The following FAM171B variants were observed in gnomAD, a reference collection of about 807,000 sequenced individuals.
FAM171B encodes the protein family with sequence similarity 171 member B.
In FAM171B, 19 loss-of-function variants were observed where a neutral mutation model predicts 75.6. The ratio of observed to expected loss-of-function variants is 0.25; its 90% CI spans 0.18 to 0.37. The LOEUF is 0.37. Ranked by LOEUF, FAM171B falls within the 10% of genes least tolerant of loss-of-function variation. The probability of loss-of-function intolerance (pLI) is 1.00; values close to 1 mark genes in which losing one functional copy is unlikely to be tolerated. For missense variants in FAM171B, 848 were observed against 982.4 expected, an observed-to-expected ratio of 0.86 and a Z score of 1.83; for synonymous variants, 367 against 361.7, an observed-to-expected ratio of 1.01 and a Z score of -0.17.
chr2:186,718,931 G>A (rs1229508708), intron 1 of FAM171B, among the ~76,000 whole-genome samples: 1 of 152,078 alleles, frequency 6.6e-6, no homozygotes, highest in Non-Finnish European at 1.5e-5. Flanking sequence ...AGGCCTTCCT[G>A]GCAATATAGT....
rs1381058342 is a variant in FAM171B, at chr2:186,763,988, CAGTTTTGTA to C, written c.*1169_*1177del. 1 of 151,936 alleles carries C rather than the reference CAGTTTTGTA, an allele frequency of 6.6e-6. No homozygotes were observed. The highest frequency in any genetic ancestry group is 1.5e-5 in the Non-Finnish European group (1 of 67,936). 9.4% of individuals were successfully genotyped at this position (151,936 alleles called of 1,614,324 possible). On this transcript the variant is annotated 3_prime_UTR_variant, in exon 8 of 8. Transcript: ENST00000304698. ...TTAAAGCCTTTGCAACTTCTTTTTT[CAGTTTTGTA>C]AGTAATATATCTATGTTCTTTTCAT...
At position 186,712,129 on chromosome 2, in the gene FAM171B, C is replaced by T. The variant is rs564480186; in HGVS notation, c.238+17718C>T. Among the ~76,000 whole-genome samples, 10 of 152,082 alleles carry T rather than the reference C, an allele frequency of 6.6e-5. No homozygotes were observed. In the South Asian group the frequency reaches 1.5e-3, roughly 22 times the overall value. ...GAATATATATATTAAGGGAAGTATC[C>T]GAGGAATTAAGTATCTTTTGTTATT... On this transcript the variant is annotated intron_variant, in intron 1 of 7. Coordinates refer to ENST00000304698, the MANE Select transcript of FAM171B (RefSeq NM_177454.4).
chr2:186,755,177 C>A (rs1284159459), intron 6 of FAM171B, among the ~76,000 whole-genome samples: 1 of 152,126 alleles, frequency 6.6e-6, no homozygotes, highest in African/African-American at 2.4e-5. Context: ...AATTCTCTAA[C>A]CTGCGGTAGT....
chr2:186,751,102 A>G (rs1690445431), intron 4 of FAM171B, 32 bp from the exon 5 acceptor site: 6 of 1,522,934 alleles, frequency 3.9e-6, no homozygotes, highest in African/African-American at 1.4e-5. Flanking sequence ...CTCTGTTTAC[A>G]TATGATTTTA....
intron 5 of FAM171B, 70 bp from the exon 6 acceptor site, chr2:186,753,863 A>G: frequency 8.6e-7 from 1 of 1,159,116 alleles, no homozygotes; most frequent in Admixed American, 1.8e-5. Context: ...AAGTCCCATA[A>G]TGTATTCTGT....
chr2:186,759,730 T>A (rs997293742), intron 6 of FAM171B, among the ~76,000 whole-genome samples: 1 of 152,018 alleles, frequency 6.6e-6, no homozygotes, highest in African/African-American at 2.4e-5. Context: ...TATATTCTGG[T>A]TATTTTCTCC....
intron 1 of FAM171B, among the ~76,000 whole-genome samples, chr2:186,724,013 G>A (rs1214110908): frequency 6.6e-6 from 1 of 152,148 alleles, no homozygotes; most frequent in African/African-American, 2.4e-5. Context: ...TTCTAGTTGG[G>A]GAAACAGAAA....
chr2:186,741,201 G>A (rs1208517756), intron 2 of FAM171B, among the ~76,000 whole-genome samples: 2 of 151,996 alleles, frequency 1.3e-5, no homozygotes, highest in Non-Finnish European at 2.9e-5. Context: ...TAACTATTTG[G>A]AATAAATTAA....
At chr2:186,726,322 C>T (rs1178717956) in intron 1 of FAM171B, among the ~76,000 whole-genome samples, 1 of 152,008 alleles carries the variant, frequency 6.6e-6, no homozygotes, top group Non-Finnish European at 1.5e-5. Flanking sequence ...GAGTTTGGAT[C>T]CAATCTGGGG....
intron 1 of FAM171B, among the ~76,000 whole-genome samples, chr2:186,697,474 G>A (rs1188344812): frequency 1.3e-5 from 2 of 151,980 alleles, no homozygotes; most frequent in Middle Eastern, 3.2e-3. Context: ...CTCAAACTCT[G>A]GAACTCTGGG....
At chr2:186,739,488 A>T (rs1207096431) in intron 1 of FAM171B, among the ~76,000 whole-genome samples, 1 of 151,974 alleles carries the variant, frequency 6.6e-6, no homozygotes, top group Non-Finnish European at 1.5e-5. Context: ...AAAATTTTTT[A>T]CTTTTTACTT....
rs1477859233 is a variant in FAM171B, at chr2:186,762,646, T to G, written c.2304T>G (p.Ser768Arg). ...TAAGGCACATCCTAGATGGAGGGAGTGGAGTGATCATGGAGCACCCTGGAG... is the reference window on the plus strand; with the variant it reads ...TAAGGCACATCCTAGATGGAGGGAGGGGAGTGATCATGGAGCACCCTGGAG... ...PALRHILDGG[S>R]GVIMEHPGEE... The change falls in exon 8 of 8, where the codon AGT (serine) becomes AGG (arginine). Residue 768 changes from serine to arginine, a missense_variant. By Grantham distance (110) the Ser-to-Arg change is moderately radical. This residue lies in a region of FAM171B where 136 missense variants were observed against 159.3 expected (regional missense o/e 0.85). Coordinates refer to ENST00000304698, the MANE Select transcript of FAM171B (RefSeq NM_177454.4). The surrounding 1 kb of genome is among the most constrained non-coding windows in gnomAD (Gnocchi z 4.0). The G allele has an allele frequency of 6.2e-7, 1 of 1,604,364 alleles. No individual in the cohort carries two copies. The highest frequency in any genetic ancestry group is 1.4e-5 in the African/African-American group (1 of 71,874).
intron 1 of FAM171B, among the ~76,000 whole-genome samples, chr2:186,710,674 C>CTGAA (rs1288727415): frequency 6.6e-6 from 1 of 152,122 alleles, no homozygotes. Flanking sequence ...CATCATCTTG[C>CTGAA]TGAAACATTG....
At chr2:186,732,536 A>G (rs1457629478) in intron 1 of FAM171B, among the ~76,000 whole-genome samples, 1 of 152,192 alleles carries the variant, frequency 6.6e-6, no homozygotes, top group Non-Finnish European at 1.5e-5. Flanking sequence ...ATGAAAGTTT[A>G]TTAAAAGGTT....
chr2:186,738,991 G>A (rs532498202), intron 1 of FAM171B, among the ~76,000 whole-genome samples: 56 of 152,234 alleles, frequency 3.7e-4, no homozygotes, highest in Admixed American at 1.7e-3. Context: ...TATGGTATAG[G>A]CTATTGCTCC....
At chr2:186,740,136 CT>C (rs1239543098) in intron 1 of FAM171B, 91 bp from the exon 2 acceptor site, 1 of 814,782 alleles carries the variant, frequency 1.2e-6, no homozygotes, top group Non-Finnish European at 2.0e-6. Context: ...CAGTTTTGTA[CT>C]GTTATTTAGA....
At chr2:186,758,232 A>G (rs558781106) in intron 6 of FAM171B, among the ~76,000 whole-genome samples, 85 of 152,298 alleles carry the variant, frequency 5.6e-4, no homozygotes, top group Middle Eastern at 3.4e-3. Context: ...ACTGCTCTGC[A>G]GATAAGGGAA....
chr2:186,763,733 A>T lies in FAM171B; in HGVS notation c.*910A>T, dbSNP rs1690658417. ...CTTAAAGGCTATGAAATTTAAAAAA[A>T]AAGTCGATGTGAAAGTTTCTTTTGA... On this transcript the variant is annotated 3_prime_UTR_variant, in exon 8 of 8. Coordinates refer to ENST00000304698, the MANE Select transcript of FAM171B (RefSeq NM_177454.4). The T allele has an allele frequency of 6.6e-6, 1 of 152,098 alleles. No individual in the cohort carries two copies. The highest frequency in any genetic ancestry group is 1.5e-5 in the Non-Finnish European group (1 of 67,998). The allele number at this position is 152,098 out of a possible 1,614,324, so 9.4% of individuals were successfully genotyped here. A position where few individuals can be genotyped will look rare whatever the true frequency, so the allele number is the denominator to read the frequency against.
intron 1 of FAM171B, among the ~76,000 whole-genome samples, chr2:186,730,374 G>A (rs967798074): frequency 2.0e-5 from 3 of 152,244 alleles, no homozygotes; most frequent in Non-Finnish European, 4.4e-5. Context: ...GGCTGTATAT[G>A]TGTGTGTGTC....
Sources: gnomAD v4.1 joint callset for allele counts (sites outside exome capture counted in the v4.1 genomes callset) on GRCh38, gnomAD v4.1.1 for gene constraint, gnomAD v4.1.1 regional missense constraint, Gnocchi (gnomAD v3.1) non-coding constraint, MANE v1.5 for transcripts, NCBI Gene and HGNC (gene_info 2026-07-23, HGNC 2026-07-21) for gene names.